USP15: variants seen among roughly 807,000 people sequenced by gnomAD.
USP15 encodes ubiquitin carboxyl-terminal hydrolase 15.
USP15 carries 18 observed loss-of-function variants against 127.1 expected under a neutral mutation model. The observed-to-expected ratio is 0.14, with a 90% CI of 0.10 to 0.21. The LOEUF (loss-of-function observed/expected upper bound fraction) is 0.21, where lower values mean the gene tolerates loss of function less well. Among genes scored for constraint, USP15 ranks in the 10% least tolerant of loss-of-function variants. The pLI, the probability that USP15 is intolerant of heterozygous loss-of-function variation, is 1.00. For synonymous variants in USP15, 364 were observed against 393.7 expected, an observed-to-expected ratio of 0.92 and a Z score of 0.89; for missense variants, 805 against 1,159.9, an observed-to-expected ratio of 0.69 and a Z score of 4.44.
intron 1 of USP15, among the ~76,000 whole-genome samples, chr12:62,290,870 C>G (rs949194713): frequency 2.0e-5 from 3 of 151,824 alleles, no homozygotes; most frequent in African/African-American, 7.3e-5. Context: ...ATTCCTGAAG[C>G]TTTTTCTAGC....
At chr12:62,286,575 A>C (rs2063793916) in intron 1 of USP15, among the ~76,000 whole-genome samples, 1 of 152,222 alleles carries the variant, frequency 6.6e-6, no homozygotes, top group Non-Finnish European at 1.5e-5. Context: ...TGTTTATCAC[A>C]GTACTGTTCA....
In USP15 at chr12:62,413,501, C is replaced by G. The variant is rs1239036128; in HGVS notation, c.*9126C>G. The G allele has an allele frequency of 6.6e-6, 1 of 152,196 alleles. No homozygotes were observed. Among genetic ancestry groups the G allele is most frequent in the Non-Finnish European group, 1.5e-5 (1 of 68,040 alleles). 9.4% of individuals were successfully genotyped at this position (152,196 alleles called of 1,614,324 possible). On this transcript the variant is annotated 3_prime_UTR_variant, in exon 22 of 22. Coordinates refer to ENST00000280377, the MANE Select transcript of USP15 (RefSeq NM_001252078.2). ...GATCTTAGCTAGATCTTCTGGATAA[C>G]TTGCTGTAGTTTCTACTTTAGCAGT...
At chr12:62,331,986 G>C (rs1220726094) in intron 6 of USP15, among the ~76,000 whole-genome samples, 2 of 152,014 alleles carry the variant, frequency 1.3e-5, no homozygotes, top group African/African-American at 4.8e-5. Flanking sequence ...CCAACATGGT[G>C]AAACCCCGTC....
At chr12:62,301,256 G>A (rs977431909) in intron 2 of USP15, among the ~76,000 whole-genome samples, 29 of 152,120 alleles carry the variant, frequency 1.9e-4, no homozygotes, top group Non-Finnish European at 1.9e-4. Flanking sequence ...TATCATAAAA[G>A]CACTTCAGAA....
Position 62,410,925 on chromosome 12 carries a change from TG to T in USP15, c.*6551del, listed in dbSNP as rs2068025428. On this transcript the variant is annotated 3_prime_UTR_variant, in exon 22 of 22. Transcript: ENST00000280377. ...AGAAGTCTTAGTATGATGGTAAACT[TG>T]AAAATTAAAATTTTATCAGGGATAT... is the stretch of plus-strand genomic sequence containing the variant. 6.6e-6 allele frequency: 1 copy of T among 152,030 alleles called. No homozygotes were observed. The highest frequency in any genetic ancestry group is 2.1e-4 in the South Asian group (1 of 4,824). The allele number at this position is 152,030 out of a possible 1,614,324, so 9.4% of individuals were successfully genotyped here. A position where few individuals can be genotyped will look rare whatever the true frequency, so the allele number is the denominator to read the frequency against.
rs2068028084 is a variant in USP15 at position 62,411,046 on chromosome 12, T to G, written c.*6671T>G. On this transcript the variant is annotated 3_prime_UTR_variant, in exon 22 of 22. Transcript: ENST00000280377. ...CCAGAGGTTCTCAGCAAGCCACACC[T>G]GAATTCCTAACCCACAAAAACTGTG... 1 of 152,192 alleles carries G rather than the reference T, an allele frequency of 6.6e-6. No homozygotes were observed. The highest frequency in any genetic ancestry group is 2.4e-5 in the African/African-American group (1 of 41,454). 9.4% of individuals were successfully genotyped at this position (152,192 alleles called of 1,614,324 possible). A position where few individuals can be genotyped will look rare whatever the true frequency, so the allele number is the denominator to read the frequency against.
In USP15 at chr12:62,411,973, C is replaced by T. The variant is rs1216139960; in HGVS notation, c.*7598C>T. 8 of 152,124 alleles carry T rather than the reference C, an allele frequency of 5.3e-5. No individual in the cohort carries two copies. Among genetic ancestry groups the T allele is most frequent in the Admixed American group, 1.3e-4 (2 of 15,260 alleles). 9.4% of individuals were successfully genotyped at this position (152,124 alleles called of 1,614,324 possible). On this transcript the variant is annotated 3_prime_UTR_variant, in exon 22 of 22. Transcript: ENST00000280377. The stretch of plus-strand genomic sequence containing the variant: ...CTTCCTCTCCAAATACTATTTAAGG[C>T]TTCAACCTGAATTTGGAGGTGACAC...
intron 6 of USP15, chr12:62,336,334 A>T: frequency 7.1e-6 from 7 of 985,268 alleles, no homozygotes; most frequent in Non-Finnish European, 8.4e-6. Flanking sequence ...TCCTTCTCCC[A>T]TCCCCTCAAC....
intron 6 of USP15, among the ~76,000 whole-genome samples, chr12:62,329,836 T>C (rs896937470): frequency 2.0e-5 from 3 of 150,002 alleles, no homozygotes; most frequent in Non-Finnish European, 4.5e-5. Flanking sequence ...GATGTGAGTG[T>C]AAACTAATAT....
chr12:62,308,270 GGAACTGT>G (rs2064546233), intron 3 of USP15, among the ~76,000 whole-genome samples: 1 of 152,054 alleles, frequency 6.6e-6, no homozygotes, highest in South Asian at 2.1e-4. Context: ...TTTGGGGGAA[GGAACTGT>G]GAATCATTGG....
chr12:62,338,886 T>A (rs2137369673), intron 6 of USP15, among the ~76,000 whole-genome samples: 1 of 152,316 alleles, frequency 6.6e-6, no homozygotes, highest in South Asian at 2.1e-4. Flanking sequence ...TGTAGTATAG[T>A]TTGAAGTCAG....
intron 8 of USP15, among the ~76,000 whole-genome samples, chr12:62,381,145 T>A (rs1007039413): frequency 1.3e-5 from 2 of 152,126 alleles, no homozygotes; most frequent in Non-Finnish European, 2.9e-5. Context: ...GTGCCTGGGA[T>A]GAGTAGACAA....
intron 8 of USP15, among the ~76,000 whole-genome samples, chr12:62,379,316 A>G (rs2066919980): frequency 6.6e-6 from 1 of 152,124 alleles, no homozygotes; most frequent in Admixed American, 6.6e-5. Flanking sequence ...TTGAAAAGAA[A>G]AGGGTATTGA....
chr12:62,390,062 A>G (rs1348380571), intron 14 of USP15, 74 bp downstream of exon 14: 4 of 1,340,432 alleles, frequency 3.0e-6, no homozygotes, highest in Middle Eastern at 2.0e-4. Context: ...AAAAATAAAC[A>G]CATAAGGTAC....
At chr12:62,350,687 C>A (rs533646734) in intron 7 of USP15, among the ~76,000 whole-genome samples, 2 of 152,258 alleles carry the variant, frequency 1.3e-5, no homozygotes, top group South Asian at 4.2e-4. Flanking sequence ...TACAGTGTCA[C>A]AATCACAGCT....
intron 1 of USP15, among the ~76,000 whole-genome samples, chr12:62,289,697 T>G (rs985245297): frequency 1.8e-4 from 25 of 135,430 alleles, no homozygotes; most frequent in Non-Finnish European, 3.9e-4. Context: ...GGTTGTTAAT[T>G]TGTGTGTGTG....
At chr12:62,262,051 C>T (rs182307503) in intron 1 of USP15, among the ~76,000 whole-genome samples, 3 of 152,122 alleles carry the variant, frequency 2.0e-5, no homozygotes, top group Admixed American at 6.6e-5. Context: ...CCAGCCTGGG[C>T]ACCATGGTGA....
chr12:62,313,950 T>C, intron 3 of USP15: 1 of 630,364 alleles, frequency 1.6e-6, no homozygotes, highest in Non-Finnish European at 2.0e-6. Flanking sequence ...TTTTGCCATA[T>C]TTGTCTAATG....
At chr12:62,265,996 A>G (rs1279048406) in intron 1 of USP15, among the ~76,000 whole-genome samples, 1 of 152,230 alleles carries the variant, frequency 6.6e-6, no homozygotes, top group Non-Finnish European at 1.5e-5. Context: ...TTCAGTTTAG[A>G]TATGATAGAA....
Sources: allele counts gnomAD v4.1 joint callset (sites outside exome capture counted in the v4.1 genomes callset), GRCh38; gene constraint gnomAD v4.1.1; transcripts MANE v1.5; gene names NCBI Gene and HGNC (gene_info 2026-07-23, HGNC 2026-07-21).